Variants in SYN3 observed in about 807,000 individuals in gnomAD.
The protein encoded by SYN3 is synapsin III.
A neutral mutation model predicts 65.8 loss-of-function variants in SYN3; 35 were observed. The observed-to-expected ratio is 0.53, with a 90% confidence interval of 0.41 to 0.70. The LOEUF is 0.70. SYN3 is among the 30% of genes least tolerant of loss of function. The pLI is 0.00. For synonymous variants in SYN3, 270 were observed against 292.9 expected, an observed-to-expected ratio of 0.92 and a Z score of 0.80; for missense variants, 680 against 749.0, an observed-to-expected ratio of 0.91 and a Z score of 1.08.
intron 4 of SYN3, among the ~76,000 whole-genome samples, chr22:32,930,801 A>T (rs562825490): frequency 3.9e-5 from 6 of 152,252 alleles, no homozygotes; most frequent in African/African-American, 1.4e-4. Flanking sequence ...GGATTTATAC[A>T]TTCTTGTCAT....
intron 7 of SYN3, among the ~76,000 whole-genome samples, chr22:32,587,955 C>T (rs73881742): frequency 0.065 from 9,876 of 152,184 alleles, 347 homozygotes; most frequent in Middle Eastern, 0.078. Context: ...GTGCCCCACT[C>T]CACCATTTAC....
chr22:32,995,658 C>A (rs133924), intron 2 of SYN3, among the ~76,000 whole-genome samples: 54,102 of 151,410 alleles, frequency 0.36, 9,900 homozygotes, highest in Non-Finnish European at 0.39. Context: ...TCAAAGCAGA[C>A]TGAAGCTGCT....
intron 6 of SYN3, among the ~76,000 whole-genome samples, chr22:32,706,524 A>G (rs1001335384): frequency 2.0e-5 from 3 of 152,248 alleles, no homozygotes; most frequent in African/African-American, 7.2e-5. Flanking sequence ...AGCCGAGATA[A>G]TTCACTACCA....
chr22:32,762,329 A>G (rs1180280484), intron 6 of SYN3, among the ~76,000 whole-genome samples: 1 of 151,934 alleles, frequency 6.6e-6, no homozygotes, highest in South Asian at 2.1e-4. Flanking sequence ...TCAGGGTTAT[A>G]GCGGTGGGCT....
At chr22:33,022,887 G>A (rs1489416295) in intron 1 of SYN3, among the ~76,000 whole-genome samples, 1 of 152,124 alleles carries the variant, frequency 6.6e-6, no homozygotes, top group Non-Finnish European at 1.5e-5. Flanking sequence ...AGATTATAAG[G>A]TAACAATAAC....
intron 7 of SYN3, among the ~76,000 whole-genome samples, chr22:32,551,889 T>C (rs1432668823): frequency 2.0e-5 from 3 of 152,194 alleles, no homozygotes; most frequent in Non-Finnish European, 4.4e-5. Flanking sequence ...TCACTGCTAA[T>C]TGATGTGGGA....
At chr22:32,963,394 C>T (rs2051723125) in intron 3 of SYN3, among the ~76,000 whole-genome samples, 1 of 151,790 alleles carries the variant, frequency 6.6e-6, no homozygotes, top group African/African-American at 2.4e-5. Flanking sequence ...GCCCAAAATA[C>T]TAAATTTAAT....
intron 6 of SYN3, among the ~76,000 whole-genome samples, chr22:32,663,220 C>T (rs2060239728): frequency 1.3e-5 from 2 of 152,074 alleles, no homozygotes; most frequent in African/African-American, 4.8e-5. Context: ...GTAAGACGTG[C>T]CTTTCGCCTT....
chr22:32,748,275 G>T (rs185512847), intron 6 of SYN3, among the ~76,000 whole-genome samples: 8 of 152,310 alleles, frequency 5.3e-5, no homozygotes, highest in Admixed American at 2.6e-4. Flanking sequence ...TCAAGAGAGG[G>T]TGGCCCAGGA....
Position 32,596,735 on chromosome 22 carries a change from A to T in SYN3, c.713T>A (p.Val238Asp). Residue 238 changes from valine (V) to aspartate (D), a missense_variant and splice_region_variant, in exon 7 of 14, where the codon GTC becomes GAC. Val to Asp is a radical substitution (Grantham distance 152). Transcript: ENST00000358763. ...QTFFPNHKPM[V>D]TAPHFPVVVK... ...TACCACCGGGAAGTGTGGGGCTGTG[A>T]CCTGAAAGAGACAAGAAGAAGTCAC... 2.5e-6 allele frequency: 4 copies of T among 1,613,670 alleles called. No homozygotes were observed. Among genetic ancestry groups the T allele is most frequent in the Non-Finnish European group, 3.4e-6 (4 of 1,179,806 alleles).
chr22:32,858,495 A>AC (rs1490016678), intron 6 of SYN3, among the ~76,000 whole-genome samples: 1 of 152,040 alleles, frequency 6.6e-6, no homozygotes. Flanking sequence ...AAGTGGGCTC[A>AC]CCCTGGTAGC....
At chr22:32,979,965 G>A (rs1021798903) in intron 3 of SYN3, among the ~76,000 whole-genome samples, 2 of 152,026 alleles carry the variant, frequency 1.3e-5, no homozygotes, top group African/African-American at 4.8e-5. Flanking sequence ...GGAGGTCCTC[G>A]CGGAACGAAC....
At chr22:32,805,619 AC>A (rs1569238262) in intron 6 of SYN3, among the ~76,000 whole-genome samples, 2 of 144,638 alleles carry the variant, frequency 1.4e-5, no homozygotes, top group Admixed American at 6.9e-5. Flanking sequence ...CATCTCTTTC[AC>A]CCCCTCCCCC....
chr22:32,588,493 T>C (rs2059082941), intron 7 of SYN3, among the ~76,000 whole-genome samples: 1 of 152,224 alleles, frequency 6.6e-6, no homozygotes, highest in African/African-American at 2.4e-5. Flanking sequence ...TCAGCTGAGA[T>C]AAATGGTTAA....
chr22:32,574,577 T>C lies in SYN3; in HGVS notation c.774+22097A>G, dbSNP rs559185333. ...CATGCACCTACAGGGGCTAATGTGG[T>C]TTAGCCTTGCTGGTTTCTCTGACCT... On this transcript the variant is annotated intron_variant, in intron 7 of 13. Transcript: ENST00000358763. 5.3e-5 allele frequency among the ~76,000 whole-genome samples: 8 copies of C among 152,262 alleles called. No homozygotes were observed. In the South Asian group the frequency reaches 1.7e-3, roughly 32 times the overall value.
chr22:32,944,304 C>T lies in SYN3; in HGVS notation c.370-12823G>A, dbSNP rs1052045470. Among the ~76,000 whole-genome samples the T allele has an allele frequency of 4.6e-5, 7 of 152,202 alleles. 1 individual carries two copies. The highest frequency in any genetic ancestry group is 3.9e-4 in the East Asian group (2 of 5,180). ...CAGGATTAAGAAACTCACTCAAAAC[C>T]GCTCAACTACATGGAAACTGAACAA... On this transcript the variant is annotated intron_variant, in intron 3 of 13. Transcript: ENST00000358763.
intron 6 of SYN3, among the ~76,000 whole-genome samples, chr22:32,755,138 G>A (rs1306754649): frequency 6.6e-6 from 1 of 152,206 alleles, no homozygotes; most frequent in African/African-American, 2.4e-5. Context: ...AACATTTACT[G>A]AGAACTATGG....
intron 3 of SYN3, among the ~76,000 whole-genome samples, chr22:32,954,235 T>C (rs968473905): frequency 2.0e-5 from 3 of 152,110 alleles, no homozygotes; most frequent in Non-Finnish European, 4.4e-5. Context: ...GAGCCTTTAA[T>C]AATGTCCCTA....
chr22:32,982,797 C>T (rs1014266414), intron 2 of SYN3, among the ~76,000 whole-genome samples: 4 of 152,152 alleles, frequency 2.6e-5, no homozygotes, highest in Non-Finnish European at 5.9e-5. Flanking sequence ...AGTATCAACT[C>T]TTGTGCTAGA....
Sources: allele counts gnomAD v4.1 joint callset (sites outside exome capture counted in the v4.1 genomes callset), GRCh38; gene constraint gnomAD v4.1.1; transcripts MANE v1.5; gene names NCBI Gene and HGNC (gene_info 2026-07-23, HGNC 2026-07-21).